CNTN4: variants seen among roughly 807,000 people sequenced by gnomAD.
The protein encoded by CNTN4 is contactin-4.
CNTN4 carries 77 observed loss-of-function variants against 122.5 expected under a neutral mutation model. That is an observed-to-expected ratio of 0.63 (90% CI 0.52 to 0.76). The LOEUF (loss-of-function observed/expected upper bound fraction) is 0.76, where lower values mean the gene tolerates loss of function less well. Among genes scored for constraint, CNTN4 ranks in the 30% least tolerant of loss-of-function variants. CNTN4 has a pLI of 0.00. For synonymous variants in CNTN4, 512 were observed against 447.0 expected, an observed-to-expected ratio of 1.15 and a Z score of -1.83; for missense variants, 1,256 against 1,259.1, an observed-to-expected ratio of 1.00 and a Z score of 0.04.
At chr3:2,140,129 T>G (rs1388905848) in intron 2 of CNTN4, among the ~76,000 whole-genome samples, 1 of 152,212 alleles carries the variant, frequency 6.6e-6, no homozygotes, top group Admixed American at 6.5e-5. Context: ...CCTTCCACCA[T>G]GCTTGTGAGG....
intron 4 of CNTN4, among the ~76,000 whole-genome samples, chr3:2,722,705 T>C (rs1445909535): frequency 6.6e-6 from 1 of 152,212 alleles, no homozygotes; most frequent in Non-Finnish European, 1.5e-5. Context: ...GGTTTTTGCT[T>C]TGTGTTTGCC....
At chr3:2,575,373 T>C (rs570108298) in intron 4 of CNTN4, among the ~76,000 whole-genome samples, 1 of 151,952 alleles carries the variant, frequency 6.6e-6, no homozygotes, top group Non-Finnish European at 1.5e-5. Flanking sequence ...TAGCTGGGCA[T>C]GGTGGTGCAC....
intron 2 of CNTN4, among the ~76,000 whole-genome samples, chr3:2,173,496 A>G (rs1397141750): frequency 6.6e-6 from 1 of 152,176 alleles, no homozygotes; most frequent in African/African-American, 2.4e-5. Context: ...TATTTATTTT[A>G]ATGGTTTATT....
At chr3:2,821,650 G>C (rs140646478) in intron 7 of CNTN4, among the ~76,000 whole-genome samples, 4 of 152,052 alleles carry the variant, frequency 2.6e-5, no homozygotes, top group African/African-American at 9.7e-5. Context: ...TTGCAGTGTC[G>C]GCTAAAAGGA....
In CNTN4 at chr3:2,320,872, A is replaced by C. The variant is rs577762507; in HGVS notation, c.-144-18306A>C. 2.6e-5 allele frequency among the ~76,000 whole-genome samples: 4 copies of C among 152,240 alleles called. No homozygotes were observed. In the South Asian group the frequency reaches 8.3e-4, roughly 32 times the overall value. On this transcript the variant is annotated intron_variant, in intron 2 of 24. Coordinates refer to ENST00000418658, the MANE Select transcript of CNTN4 (RefSeq NM_175607.3). ...AAGTACATCTGTGTTTATTTGCTCT[A>C]AGGGAAACAACAGTTATAATTAGGA...
intron 13 of CNTN4, 99 bp from the exon 14 acceptor site, chr3:2,988,246 T>C: frequency 8.8e-7 from 1 of 1,141,946 alleles, no homozygotes; most frequent in East Asian, 2.4e-5. Flanking sequence ...AATGTAGCAA[T>C]GATTTATGGT....
intron 2 of CNTN4, among the ~76,000 whole-genome samples, chr3:2,101,405 T>C (rs966403271): frequency 1.3e-5 from 2 of 152,244 alleles, no homozygotes; most frequent in African/African-American, 4.8e-5. Context: ...GTTTCTTCTT[T>C]GTTATATTTG....
intron 2 of CNTN4, among the ~76,000 whole-genome samples, chr3:2,224,675 GA>G (rs1179460350): frequency 1.3e-5 from 2 of 152,144 alleles, no homozygotes; most frequent in African/African-American, 4.8e-5. Flanking sequence ...AGGTAATATA[GA>G]AGACTTTAGC....
At chr3:2,333,055 T>A (rs910205157) in intron 2 of CNTN4, among the ~76,000 whole-genome samples, 3 of 152,108 alleles carry the variant, frequency 2.0e-5, no homozygotes, top group African/African-American at 7.2e-5. Flanking sequence ...TCTGTCTCTA[T>A]CCTCTCCAAT....
intron 23 of CNTN4, among the ~76,000 whole-genome samples, chr3:3,053,241 G>C (rs1399142810): frequency 1.3e-5 from 2 of 152,124 alleles, no homozygotes; most frequent in Non-Finnish European, 2.9e-5. Flanking sequence ...CGCCATGTTG[G>C]TCAGGCTGGT....
intron 3 of CNTN4, among the ~76,000 whole-genome samples, chr3:2,388,759 C>T (rs1278878389): frequency 3.3e-5 from 5 of 152,054 alleles, no homozygotes; most frequent in Non-Finnish European, 4.4e-5. Flanking sequence ...GCAGGAGAAT[C>T]GCTTCAACCT....
chr3:2,547,872 T>A (rs183687513), intron 3 of CNTN4, among the ~76,000 whole-genome samples: 1 of 152,108 alleles, frequency 6.6e-6, no homozygotes, highest in African/African-American at 2.4e-5. Flanking sequence ...GGAAATTATT[T>A]CTTGTTTTCA....
chr3:2,292,478 AAT>A (rs942008621), intron 2 of CNTN4, among the ~76,000 whole-genome samples: 2 of 152,218 alleles, frequency 1.3e-5, no homozygotes, highest in African/African-American at 2.4e-5. Context: ...TGAAGTGTAC[AAT>A]GTGTTAACTT....
intron 2 of CNTN4, among the ~76,000 whole-genome samples, chr3:2,182,453 A>G (rs2037059064): frequency 7.1e-6 from 1 of 140,600 alleles, no homozygotes; most frequent in Admixed American, 7.0e-5. Context: ...CTACTAAATA[A>G]GAAATTCCAA....
intron 3 of CNTN4, among the ~76,000 whole-genome samples, chr3:2,467,254 C>A (rs190293629): frequency 1.9e-4 from 28 of 150,354 alleles, no homozygotes; most frequent in Non-Finnish European, 3.7e-4. Context: ...CATTTACTTT[C>A]TGAATTCTAA....
At chr3:2,554,457 A>G (rs545854120) in intron 3 of CNTN4, among the ~76,000 whole-genome samples, 4 of 152,208 alleles carry the variant, frequency 2.6e-5, no homozygotes, top group African/African-American at 7.2e-5. Context: ...CATTTGTACA[A>G]TGATTTTGAG....
At chr3:2,327,139 G>GTGTGTA (rs2043495963) in intron 2 of CNTN4, among the ~76,000 whole-genome samples, 1 of 132,360 alleles carries the variant, frequency 7.6e-6, no homozygotes, top group South Asian at 2.5e-4. Flanking sequence ...ATAGATGTGT[G>GTGTGTA]TGTGTGTGTG....
At chr3:2,850,557 G>A (rs1239863024) in intron 7 of CNTN4, among the ~76,000 whole-genome samples, 1 of 152,092 alleles carries the variant, frequency 6.6e-6, no homozygotes, top group Non-Finnish European at 1.5e-5. Flanking sequence ...CCCAGATCAT[G>A]CGAAACCATG....
At chr3:2,631,545 T>C (rs1228003412) in intron 4 of CNTN4, among the ~76,000 whole-genome samples, 1 of 152,126 alleles carries the variant, frequency 6.6e-6, no homozygotes, top group Admixed American at 6.5e-5. Context: ...TCTGGTTCTA[T>C]ACCGGTTTTC....
Sources: allele counts gnomAD v4.1 joint callset (sites outside exome capture counted in the v4.1 genomes callset), GRCh38; gene constraint gnomAD v4.1.1; transcripts MANE v1.5; gene names NCBI Gene and HGNC (gene_info 2026-07-23, HGNC 2026-07-21).